Variants in CYRIB observed in about 807,000 individuals in gnomAD.
The protein encoded by CYRIB is CYFIP related Rac1 interactor B.
In CYRIB, 8 loss-of-function variants were observed where a neutral mutation model predicts 44.2. The ratio of observed to expected loss-of-function variants is 0.18; its 90% CI spans 0.11 to 0.33. The LOEUF (loss-of-function observed/expected upper bound fraction) is 0.33. CYRIB is among the 10% of genes least tolerant of loss of function. The pLI, the probability that CYRIB is intolerant of heterozygous loss-of-function variation, is 1.00. For missense variants in CYRIB, 185 were observed against 382.8 expected (o/e 0.48, Z 4.31); for synonymous variants, 131 against 127.2 (o/e 1.03, Z -0.20).
Position 129,971,782 on chromosome 8 carries a change from G to A in CYRIB, c.-295-787C>T, listed in dbSNP as rs928986317. Among the ~76,000 whole-genome samples, 5 of 152,160 alleles carry A rather than the reference G, an allele frequency of 3.3e-5. 1 individual carries two copies. The highest frequency in any genetic ancestry group is 3.3e-4 in the Admixed American group (5 of 15,272). Reference sequence around the variant, plus strand: ...CTGTTTCAGGTTTCTACTTTGCAGAGAAAGAAACACAAACAGGTACATTAC... The same window carrying A: ...CTGTTTCAGGTTTCTACTTTGCAGAAAAAGAAACACAAACAGGTACATTAC... On this transcript the variant is annotated intron_variant, in intron 1 of 14. Coordinates refer to the CYRIB transcript ENST00000401979.
intron 1 of CYRIB, among the ~76,000 whole-genome samples, chr8:129,994,679 G>C (rs1453086329): frequency 6.6e-6 from 1 of 152,240 alleles, no homozygotes; most frequent in South Asian, 2.1e-4. Context: ...GTACACACCA[G>C]TCAGGGCTAT....
intron 1 of CYRIB, among the ~76,000 whole-genome samples, chr8:129,972,582 A>T (rs934810140): frequency 3.3e-5 from 5 of 152,094 alleles, no homozygotes; most frequent in East Asian, 3.9e-4. Context: ...CAAAGAAAAT[A>T]AAAAAAAGAA....
chr8:129,999,423 G>C (rs951875514), intron 1 of CYRIB, among the ~76,000 whole-genome samples: 3 of 152,248 alleles, frequency 2.0e-5, no homozygotes, highest in East Asian at 1.9e-4. Flanking sequence ...CAGGGCTAGT[G>C]ACACGATGCA....
chr8:129,980,562 G>C (rs2096187739), intron 1 of CYRIB, among the ~76,000 whole-genome samples: 1 of 151,802 alleles, frequency 6.6e-6, no homozygotes, highest in Non-Finnish European at 1.5e-5. Context: ...TACTCGGGAG[G>C]CTGAGGCAGG....
At chr8:130,000,035 A>G (rs573084941) in intron 1 of CYRIB, among the ~76,000 whole-genome samples, 1 of 152,158 alleles carries the variant, frequency 6.6e-6, no homozygotes, top group Admixed American at 6.5e-5. Flanking sequence ...TCTTCCTCTG[A>G]CCCTCGAAAC....
At position 129,852,291 on chromosome 8, in the gene CYRIB, TAAAA is replaced by T. The variant is rs1207595914; in HGVS notation, c.517-17_517-14del. 1 of 1,470,168 alleles carries T rather than the reference TAAAA, an allele frequency of 6.8e-7. No individual in the cohort carries two copies. Among genetic ancestry groups the T allele is most frequent in the East Asian group, 2.5e-5 (1 of 40,138 alleles). 91.1% of individuals were successfully genotyped at this position (1,470,168 alleles called of 1,614,324 possible). On this transcript the variant is annotated splice_polypyrimidine_tract_variant and intron_variant, in intron 7 of 11. Transcript: ENST00000519824. ...TTTCTCCTTCTGCCTGTGGGGAAGG[TAAAA>T]GCACTGGATGTTAGTTCACAAATTA...
At chr8:129,930,435 A>G (rs2090763637) in intron 1 of CYRIB, among the ~76,000 whole-genome samples, 1 of 136,856 alleles carries the variant, frequency 7.3e-6, no homozygotes, top group Non-Finnish European at 1.6e-5. Flanking sequence ...CATACTGAAA[A>G]TGGTTTAAAA....
chr8:129,880,408 T>C, intron 2 of CYRIB: 2 of 985,884 alleles, frequency 2.0e-6, no homozygotes, highest in Non-Finnish European at 2.4e-6. Flanking sequence ...TGCTGCATTG[T>C]GGTCTATGTC....
At chr8:129,985,714 C>T (rs1463312657) in intron 1 of CYRIB, among the ~76,000 whole-genome samples, 1 of 152,114 alleles carries the variant, frequency 6.6e-6, no homozygotes, top group East Asian at 1.9e-4. Flanking sequence ...CCTCAGGGTA[C>T]AGGGCAGCAG....
At chr8:129,860,528 G>T (rs1259936116) in intron 5 of CYRIB, among the ~76,000 whole-genome samples, 1 of 152,016 alleles carries the variant, frequency 6.6e-6, no homozygotes, top group Admixed American at 6.5e-5. Context: ...TTTCCAGTAA[G>T]AAAAAGATAA....
At chr8:129,866,120 A>G (rs2132682479) in intron 4 of CYRIB, among the ~76,000 whole-genome samples, 1 of 152,264 alleles carries the variant, frequency 6.6e-6, no homozygotes. Context: ...ATCTAACCGT[A>G]TGTGTTGTGT....
At chr8:129,963,162 A>G (rs770369676) in intron 2 of CYRIB, among the ~76,000 whole-genome samples, 30 of 152,224 alleles carry the variant, frequency 2.0e-4, no homozygotes, top group Non-Finnish European at 3.4e-4. Context: ...AATCCACAAG[A>G]AAAGGGAGGC....
intron 2 of CYRIB, among the ~76,000 whole-genome samples, chr8:129,902,015 CATT>C (rs2072394202): frequency 6.6e-6 from 1 of 152,092 alleles, no homozygotes; most frequent in Non-Finnish European, 1.5e-5. Context: ...AATCATGAAT[CATT>C]ATTAGAATCA....
At chr8:129,987,574 T>C (rs1393091107) in intron 1 of CYRIB, among the ~76,000 whole-genome samples, 2 of 148,230 alleles carry the variant, frequency 1.3e-5, no homozygotes, top group African/African-American at 5.0e-5. Flanking sequence ...TTTTCTTTTT[T>C]TTTTTTTTTT....
intron 5 of CYRIB, among the ~76,000 whole-genome samples, chr8:129,858,967 G>A (rs1225049007): frequency 6.6e-6 from 1 of 152,228 alleles, no homozygotes; most frequent in Non-Finnish European, 1.5e-5. Flanking sequence ...AGAGACGAGA[G>A]AGTGTAGAAA....
intron 10 of CYRIB, 70 bp downstream of exon 12, chr8:129,849,173 C>G: frequency 6.9e-7 from 1 of 1,450,536 alleles, no homozygotes; most frequent in Non-Finnish European, 9.2e-7. Flanking sequence ...TGGCTCTTAT[C>G]ATAAAATAAA....
At chr8:129,923,669 A>G (rs1388954610) in intron 1 of CYRIB, among the ~76,000 whole-genome samples, 1 of 152,040 alleles carries the variant, frequency 6.6e-6, no homozygotes, top group East Asian at 1.9e-4. Context: ...TTTCAAATCA[A>G]AAGTATAATT....
intron 1 of CYRIB, among the ~76,000 whole-genome samples, chr8:130,006,884 A>G (rs1430164728): frequency 1.3e-5 from 2 of 151,582 alleles, no homozygotes; most frequent in Admixed American, 1.3e-4. Flanking sequence ...ATGGACCAGC[A>G]TCCAAACATT....
rs1465688669 is a variant in CYRIB at position 129,879,506 on chromosome 8, C to T, written c.-10-35G>A. 8 of 1,419,586 alleles carry T rather than the reference C, an allele frequency of 5.6e-6. No individual in the cohort carries two copies. The Admixed American group carries it at 1.8e-4, about 31-fold the overall frequency. 87.9% of individuals were successfully genotyped at this position (1,419,586 alleles called of 1,614,324 possible). A position where few individuals can be genotyped will look rare whatever the true frequency, so the allele number is the denominator to read the frequency against. ...CAAGAATGAGAAAAGAGAAAATATC[C>T]CTTTATAAAAAAGAACATCTGAAGT... On this transcript the variant is annotated intron_variant, in intron 2 of 11. Coordinates refer to ENST00000519824, the Ensembl canonical transcript of CYRIB.
Sources: gnomAD v4.1 joint callset for allele counts (sites outside exome capture counted in the v4.1 genomes callset) on GRCh38, gnomAD v4.1.1 for gene constraint, MANE v1.5 for transcripts, NCBI Gene and HGNC (gene_info 2026-07-23, HGNC 2026-07-21) for gene names.